Variants in TMEM120B observed in about 807,000 individuals in gnomAD.
TMEM120B encodes transmembrane protein 120B.
A neutral mutation model predicts 55.5 loss-of-function variants in TMEM120B; 31 were observed. The observed-to-expected ratio is 0.56, with a 90% CI of 0.42 to 0.75. The LOEUF (loss-of-function observed/expected upper bound fraction) is 0.75. Among genes scored for constraint, TMEM120B ranks in the 30% least tolerant of loss-of-function variants. TMEM120B has a pLI of 0.00. For missense variants in TMEM120B, 399 were observed against 425.5 expected (o/e 0.94, Z 0.55); for synonymous variants, 203 against 176.3 (o/e 1.15, Z -1.20).
At chr12:121,714,077 G>A (rs997482116) in intron 1 of TMEM120B, among the ~76,000 whole-genome samples, 4 of 152,060 alleles carry the variant, frequency 2.6e-5, no homozygotes, top group East Asian at 1.9e-4. Flanking sequence ...CTGGAGAGCC[G>A]GGGCAGGAAT....
Position 121,775,812 on chromosome 12 carries a change from G to T in TMEM120B, c.*90G>T, listed in dbSNP as rs759449372. 7.2e-7 allele frequency: 1 copy of T among 1,385,358 alleles called. No homozygotes were observed. The highest frequency in any genetic ancestry group is 1.0e-6 in the Non-Finnish European group (1 of 993,398). The allele number at this position is 1,385,358 out of a possible 1,614,324, so 85.8% of individuals were successfully genotyped here. ...GCAGCCCTCTCAGGCCCGTGGCATCGCTGGGAGAGGGCCCAGGCCCTGGTC... is the reference window on the plus strand; with the variant it reads ...GCAGCCCTCTCAGGCCCGTGGCATCTCTGGGAGAGGGCCCAGGCCCTGGTC... On this transcript the variant is annotated 3_prime_UTR_variant, in exon 12 of 12. Coordinates refer to ENST00000449592, the MANE Select transcript of TMEM120B (RefSeq NM_001080825.2). This position sits in a 1 kb window ranked among gnomAD's most constrained non-coding sequence, Gnocchi z 4.3.
At chr12:121,774,387 G>T (rs1167113085) in intron 9 of TMEM120B, among the ~76,000 whole-genome samples, 1 of 152,210 alleles carries the variant, frequency 6.6e-6, no homozygotes, top group African/African-American at 2.4e-5. Flanking sequence ...GCAGATTAAA[G>T]AAATTAGTAA....
Position 121,779,835 on chromosome 12 carries a change from C to G in TMEM120B, c.*4113C>G. 1.5e-6 allele frequency: 1 copy of G among 678,512 alleles called. No homozygotes were observed. The highest frequency in any genetic ancestry group is 2.5e-6 in the Non-Finnish European group (1 of 407,978). The allele number at this position is 678,512 out of a possible 1,614,324, so 42.0% of individuals were successfully genotyped here. A position where few individuals can be genotyped will look rare whatever the true frequency, so the allele number is the denominator to read the frequency against. On this transcript the variant is annotated 3_prime_UTR_variant, in exon 12 of 12. Transcript: ENST00000449592. ...CACAGTGTGTGGGTGGAATGGAGGG[C>G]CAGGGCAGTGCAGCCCGCAGGTTGG...
chr12:121,772,093 C>CTCTTTCTCTCTT (rs1350524416), intron 8 of TMEM120B, among the ~76,000 whole-genome samples: 4 of 135,068 alleles, frequency 3.0e-5, no homozygotes, highest in Admixed American at 2.8e-4. Flanking sequence ...CTTTCTCTCT[C>CTCTTTCTCTCTT]TCTCTCTTTC....
rs1173230186 is a variant in TMEM120B, at chr12:121,748,336, C to G, written c.199C>G (p.His67Asp). ...CATCTCTGTCCGCAGGTGCAAACGC[C>G]ATGCCAGTCGGGAGGAGGCGGAGCT... ...LKLTLQRCKR[H>D]ASREEAELVQ... Residue 67 changes from histidine (H) to aspartate (D), a missense_variant, in exon 3 of 12, where the codon CAT (histidine) becomes GAT (aspartate). Physicochemically the swap from His to Asp is moderately conservative, Grantham distance 81. Transcript: ENST00000449592. 6.2e-7 allele frequency: 1 copy of G among 1,610,322 alleles called. No homozygotes were observed. The highest frequency in any genetic ancestry group is 8.5e-7 in the Non-Finnish European group (1 of 1,178,208).
At chr12:121,736,767 ACTC>A (rs1895125416) in intron 1 of TMEM120B, among the ~76,000 whole-genome samples, 1 of 149,798 alleles carries the variant, frequency 6.7e-6, no homozygotes, top group East Asian at 2.0e-4. Flanking sequence ...CTGGTCTCAA[ACTC>A]CTGACCTCAG....
chr12:121,774,516 C>A, intron 9 of TMEM120B, 142 bp from the exon 10 acceptor site: 2 of 704,620 alleles, frequency 2.8e-6, no homozygotes, highest in Non-Finnish European at 4.7e-6. Context: ...CCAGCTATGA[C>A]AGGTGAGGGC....
At chr12:121,766,667 G>A (rs1873861147) in intron 6 of TMEM120B, among the ~76,000 whole-genome samples, 1 of 152,192 alleles carries the variant, frequency 6.6e-6, no homozygotes, top group Admixed American at 6.5e-5. Flanking sequence ...CATGTGCTTG[G>A]GTATAAGACT....
intron 3 of TMEM120B, among the ~76,000 whole-genome samples, chr12:121,750,115 C>A (rs1873229322): frequency 6.6e-6 from 1 of 152,004 alleles, no homozygotes; most frequent in Admixed American, 6.5e-5. Flanking sequence ...CTGCTCACAT[C>A]TGGCTGCAAG....
intron 1 of TMEM120B, among the ~76,000 whole-genome samples, chr12:121,737,350 C>T (rs182162186): frequency 8.9e-4 from 135 of 152,128 alleles, no homozygotes; most frequent in Non-Finnish European, 1.7e-3. Context: ...ACTAAAAATA[C>T]AAAAATTAGC....
chr12:121,729,913 C>T (rs542423756), intron 1 of TMEM120B, among the ~76,000 whole-genome samples: 1 of 152,106 alleles, frequency 6.6e-6, no homozygotes, highest in African/African-American at 2.4e-5. Context: ...TCAGTGGAGG[C>T]GTGGATAAAT....
intron 6 of TMEM120B, among the ~76,000 whole-genome samples, chr12:121,763,249 G>A (rs1020060473): frequency 2.2e-5 from 3 of 137,260 alleles, no homozygotes; most frequent in Non-Finnish European, 3.0e-5. Context: ...TGCAACCTCC[G>A]CCTCCCGGGT....
At position 121,775,685 on chromosome 12, in the gene TMEM120B, A is replaced by C; in HGVS notation, c.983A>C (p.Lys328Thr). Reference protein sequence around the residue: ...FLTTLKVVHAKLQKNRGKTKQ... With the variant: ...FLTTLKVVHATLQKNRGKTKQ... ...ACCACGCTCAAAGTCGTGCATGCCA[A>C]GCTCCAGAAGAACAGAGGCAAGACA... Residue 328 changes from lysine (K) to threonine (T), a missense_variant, in exon 12 of 12, where the codon AAG becomes ACG. Around this residue, in one of 3 missense-constraint regions of TMEM120B, gnomAD observed 260 missense variants for 303.9 expected, o/e 0.86. Coordinates refer to ENST00000449592, the MANE Select transcript of TMEM120B (RefSeq NM_001080825.2). The surrounding 1 kb of genome is among the most constrained non-coding windows in gnomAD (Gnocchi z 4.3). 6.2e-7 allele frequency: 1 copy of C among 1,614,062 alleles called. No individual in the cohort carries two copies. Among genetic ancestry groups the C allele is most frequent in the Non-Finnish European group, 8.5e-7 (1 of 1,179,988 alleles).
intron 6 of TMEM120B, among the ~76,000 whole-genome samples, chr12:121,762,286 AAG>A (rs1873704470): frequency 2.0e-5 from 3 of 151,722 alleles, no homozygotes; most frequent in Non-Finnish European, 4.4e-5. Context: ...AAAAAAAAAA[AAG>A]AGGTGACCCA....
At position 121,775,597 on chromosome 12, in the gene TMEM120B, G is replaced by T. The variant is rs779885579; in HGVS notation, c.907-12G>T. On this transcript the variant is annotated splice_polypyrimidine_tract_variant and intron_variant, in intron 11 of 11. Transcript: ENST00000449592. This position sits in a 1 kb window ranked among gnomAD's most constrained non-coding sequence, Gnocchi z 4.3. ...ATGCCCCAGCCTCGCCCTCCTCTCT[G>T]GACTCCCCCAGGTGTTCGTACTGGC... The T allele has an allele frequency of 6.2e-7, 1 of 1,610,772 alleles. No homozygotes were observed. Among genetic ancestry groups the T allele is most frequent in the Non-Finnish European group, 8.5e-7 (1 of 1,177,804 alleles).
Position 121,774,676 on chromosome 12 carries a change from T to C in TMEM120B, c.791T>C (p.Met264Thr). Reference sequence around the variant, plus strand: ...TCCACAGAAGGGTTCCAGTCCTGGATGTGGCGGGGCCTCACCTTTCTCCTG... The same window carrying C: ...TCCACAGAAGGGTTCCAGTCCTGGACGTGGCGGGGCCTCACCTTTCTCCTG... ...DLTVEGFQSW[M>T]WRGLTFLLPF... The change falls in exon 10 of 12, where the codon ATG (methionine) becomes ACG (threonine). Residue 264 changes from methionine to threonine, a missense_variant. Physicochemically the swap from Met to Thr is moderately conservative, Grantham distance 81. This residue lies in a region of TMEM120B where 260 missense variants were observed against 303.9 expected (regional missense o/e 0.86). Transcript: ENST00000449592. 6.2e-7 allele frequency: 1 copy of C among 1,613,944 alleles called. No individual in the cohort carries two copies. Among genetic ancestry groups the C allele is most frequent in the Non-Finnish European group, 8.5e-7 (1 of 1,179,864 alleles).
Position 121,743,866 on chromosome 12 carries a change from C to T in TMEM120B, c.188+119C>T, listed in dbSNP as rs139889006. The T allele has an allele frequency of 7.1e-4, 512 of 722,844 alleles. 4 individuals carry two copies. The East Asian group carries it at 0.012, about 16-fold the overall frequency. 44.8% of individuals were successfully genotyped at this position (722,844 alleles called of 1,614,324 possible). A position where few individuals can be genotyped will look rare whatever the true frequency, so the allele number is the denominator to read the frequency against. On this transcript the variant is annotated intron_variant, in intron 2 of 11. Transcript: ENST00000449592. ...AAAAAGACAGGACTGGGAGTTGCTT[C>T]AGGCATCACTGGATCCAGGAGTCAA...
intron 1 of TMEM120B, among the ~76,000 whole-genome samples, chr12:121,713,964 G>C (rs1894647883): frequency 6.6e-6 from 1 of 152,102 alleles, no homozygotes; most frequent in African/African-American, 2.4e-5. Flanking sequence ...CAGTTCAGTT[G>C]GCCTCCTACA....
At chr12:121,767,676 C>T (rs909148396) in intron 6 of TMEM120B, among the ~76,000 whole-genome samples, 1 of 152,224 alleles carries the variant, frequency 6.6e-6, no homozygotes, top group Non-Finnish European at 1.5e-5. Flanking sequence ...TACATAAACA[C>T]ATGTGCACAC....
Sources: gnomAD v4.1 joint callset for allele counts (sites outside exome capture counted in the v4.1 genomes callset) on GRCh38, gnomAD v4.1.1 for gene constraint, gnomAD v4.1.1 regional missense constraint, Gnocchi (gnomAD v3.1) non-coding constraint, MANE v1.5 for transcripts, NCBI Gene and HGNC (gene_info 2026-07-23, HGNC 2026-07-21) for gene names.